Variants in GPHN observed in about 807,000 individuals in gnomAD.
GPHN encodes gephyrin.
In GPHN, 17 loss-of-function variants were observed where a neutral mutation model predicts 95.5. That is an observed-to-expected ratio of 0.18 (90% CI 0.12 to 0.27). The LOEUF is 0.27. Ranked by LOEUF, GPHN falls within the 10% of genes least tolerant of loss-of-function variation. GPHN has a pLI of 1.00. For synonymous variants in GPHN, 320 were observed against 322.5 expected, an observed-to-expected ratio of 0.99 and a Z score of 0.08; for missense variants, 660 against 978.1, an observed-to-expected ratio of 0.67 and a Z score of 4.34.
chr14:66,740,493 C>T (rs1243876627), intron 2 of GPHN, among the ~76,000 whole-genome samples: 1 of 150,750 alleles, frequency 6.6e-6, no homozygotes, highest in Non-Finnish European at 1.5e-5. Context: ...TTAAAATTTT[C>T]TTTGTAGGCT....
In GPHN at chr14:66,819,101, A is replaced by T. The variant is rs113295331; in HGVS notation, c.202-5373A>T. ...AAGCTCTTTAGTTTAATTAAATCCCAGTTGTCAATTTTTGCTTTTGTTGCA... is the reference window on the plus strand; with the variant it reads ...AAGCTCTTTAGTTTAATTAAATCCCTGTTGTCAATTTTTGCTTTTGTTGCA... On this transcript the variant is annotated intron_variant, in intron 3 of 22. Coordinates refer to ENST00000478722, the MANE Select transcript of GPHN (RefSeq NM_020806.5). Among the ~76,000 whole-genome samples, 470 of 152,226 alleles carry T rather than the reference A, an allele frequency of 3.1e-3. 11 individuals carry two copies. Among genetic ancestry groups the T allele is most frequent in the African/African-American group, 0.011 (445 of 41,540 alleles).
At chr14:66,825,414 A>G (rs529596752) in intron 4 of GPHN, among the ~76,000 whole-genome samples, 1 of 152,256 alleles carries the variant, frequency 6.6e-6, no homozygotes, top group African/African-American at 2.4e-5. Flanking sequence ...CTCTGCATCT[A>G]TTAAATAATT....
the GPHN span, among the ~76,000 whole-genome samples, chr14:67,640,770 C>G: frequency 6.6e-6 from 1 of 152,110 alleles, no homozygotes; most frequent in Non-Finnish European, 1.5e-5. Flanking sequence ...ATGTAGCATC[C>G]AACTTAGGTG....
At chr14:67,475,142 T>G in the GPHN span, among the ~76,000 whole-genome samples, 1 of 152,190 alleles carries the variant, frequency 6.6e-6, no homozygotes, top group African/African-American at 2.4e-5. Context: ...CACAAGCCCC[T>G]GAGCTCAGGT....
chr14:67,417,606 A>C, the GPHN span, among the ~76,000 whole-genome samples: 4 of 148,354 alleles, frequency 2.7e-5, no homozygotes, highest in Non-Finnish European at 4.4e-5. Flanking sequence ...TAATTAAAAA[A>C]AATTTTTTTT....
At chr14:67,258,999 T>G in the GPHN span, among the ~76,000 whole-genome samples, 1 of 151,646 alleles carries the variant, frequency 6.6e-6, no homozygotes, top group African/African-American at 2.4e-5. Flanking sequence ...CGTGCCACCA[T>G]GCCTGGCTAA....
At chr14:67,538,262 G>C in the GPHN span, among the ~76,000 whole-genome samples, 1 of 152,192 alleles carries the variant, frequency 6.6e-6, no homozygotes, top group South Asian at 2.1e-4. Flanking sequence ...ATCATGGGAA[G>C]AGGACAATTG....
chr14:67,497,207 C>T, the GPHN span, among the ~76,000 whole-genome samples: 1 of 152,102 alleles, frequency 6.6e-6, no homozygotes, highest in Non-Finnish European at 1.5e-5. Flanking sequence ...CACGAATGCC[C>T]TGGGTTGTCT....
the GPHN span, chr14:67,674,532 C>A: frequency 1.3e-6 from 2 of 1,526,664 alleles, no homozygotes; most frequent in Non-Finnish European, 8.8e-7. Context: ...GATTCGGGGC[C>A]CTGGGCCCTT....
At chr14:67,597,201 G>A in the GPHN span, among the ~76,000 whole-genome samples, 3 of 152,228 alleles carry the variant, frequency 2.0e-5, no homozygotes, top group Admixed American at 2.0e-4. Flanking sequence ...GTTTGGGCCA[G>A]GCATGGTGGC....
At chr14:66,819,683 T>G (rs2061116968) in intron 3 of GPHN, among the ~76,000 whole-genome samples, 1 of 152,066 alleles carries the variant, frequency 6.6e-6, no homozygotes, top group Non-Finnish European at 1.5e-5. Flanking sequence ...TCCCTTTATT[T>G]TTTTAATGAT....
At chr14:67,168,270 A>T (rs2082397414) in intron 20 of GPHN, among the ~76,000 whole-genome samples, 1 of 152,120 alleles carries the variant, frequency 6.6e-6, no homozygotes, top group South Asian at 2.1e-4. Context: ...TTATAAGGGC[A>T]CCAGTCCTAT....
rs549573786 is a variant in GPHN at position 66,774,249 on chromosome 14, G to A, written c.144-2215G>A. Among the ~76,000 whole-genome samples, 9 of 151,544 alleles carry A rather than the reference G, an allele frequency of 5.9e-5. No individual in the cohort carries two copies. The South Asian group carries it at 6.3e-4, about 11-fold the overall frequency. On this transcript the variant is annotated intron_variant, in intron 2 of 22. Transcript: ENST00000478722. ...GATCTCCTGACCTCGTGATCCGCCC[G>A]CCTCGGGCTCCCAAAGTGCTGGGAT...
At chr14:67,662,418 T>A in the GPHN span, 1 of 1,399,204 alleles carries the variant, frequency 7.1e-7, no homozygotes, top group Non-Finnish European at 1.0e-6. Flanking sequence ...GCTCATAGCA[T>A]TACTTCTGGA....
chr14:67,545,582 A>T, the GPHN span, among the ~76,000 whole-genome samples: 1 of 152,238 alleles, frequency 6.6e-6, no homozygotes, highest in Non-Finnish European at 1.5e-5. Flanking sequence ...GGCAGAAATA[A>T]ATCCAAATAT....
At chr14:66,685,739 C>T (rs1356139458) in intron 2 of GPHN, among the ~76,000 whole-genome samples, 1 of 152,114 alleles carries the variant, frequency 6.6e-6, no homozygotes, top group East Asian at 1.9e-4. Context: ...TGTGCAGAAG[C>T]TCTTTAGTTT....
At chr14:67,671,616 A>G in the GPHN span, among the ~76,000 whole-genome samples, 8 of 152,220 alleles carry the variant, frequency 5.3e-5, no homozygotes, top group Non-Finnish European at 8.8e-5. Flanking sequence ...CTGGGTAGAC[A>G]ACAAAGGTGA....
At chr14:67,426,396 G>T in the GPHN span, among the ~76,000 whole-genome samples, 11 of 152,132 alleles carry the variant, frequency 7.2e-5, no homozygotes, top group African/African-American at 2.7e-4. Flanking sequence ...GAAAGTAGGA[G>T]AACAGCTGTC....
At chr14:66,788,928 C>T (rs952897583) in intron 3 of GPHN, among the ~76,000 whole-genome samples, 2 of 152,222 alleles carry the variant, frequency 1.3e-5, no homozygotes, top group Admixed American at 6.5e-5. Context: ...ATCCACCCAC[C>T]TCAGCCTCCC....
Sources: gnomAD v4.1 joint callset for allele counts (sites outside exome capture counted in the v4.1 genomes callset) on GRCh38, gnomAD v4.1.1 for gene constraint, MANE v1.5 for transcripts, NCBI Gene and HGNC (gene_info 2026-07-23, HGNC 2026-07-21) for gene names.